The following SFMBT1 variants were observed in gnomAD, a reference collection of about 807,000 sequenced individuals.
SFMBT1 encodes Scm like with four mbt domains 1, also known as scm-like with four MBT domains protein 1.
Under a neutral mutation model 108.7 loss-of-function variants are expected in SFMBT1, and 32 were observed. The ratio of observed to expected loss-of-function variants is 0.29; its 90% CI spans 0.22 to 0.40. The LOEUF is 0.40. Ranked by LOEUF, SFMBT1 falls within the 10% of genes least tolerant of loss-of-function variation. The pLI is 1.00. For synonymous variants in SFMBT1, 348 were observed against 369.5 expected (o/e 0.94, Z 0.67); for missense variants, 816 against 1,059.6 (o/e 0.77, Z 3.19).
intron 1 of SFMBT1, chr3:53,045,145 A>AGCGGCGGTGCCCG (rs2106986741): frequency 6.6e-6 from 1 of 151,492 alleles, no homozygotes; most frequent in East Asian, 1.9e-4. Context: ...CGCGGGGTCC[A>AGCGGCGGTGCCCG]GCGGCGGTGC....
intron 1 of SFMBT1, 83 bp from the exon 2 acceptor site, chr3:52,969,341 G>A: frequency 7.4e-7 from 1 of 1,349,106 alleles, no homozygotes; most frequent in South Asian, 1.6e-5. Flanking sequence ...TCGACTGGTT[G>A]AGAGATGACA....
chr3:53,016,960 T>A (rs948121054), intron 1 of SFMBT1, among the ~76,000 whole-genome samples: 1 of 152,226 alleles, frequency 6.6e-6, no homozygotes, highest in Non-Finnish European at 1.5e-5. Context: ...ATTTTTCCCA[T>A]CTGTAAAACT....
Position 52,934,875 on chromosome 3 carries a change from C to T in SFMBT1, c.391G>A (p.Asp131Asn), listed in dbSNP as rs760071399. Residue 131 changes from aspartate to asparagine, a missense_variant, in exon 5 of 21, where the codon GAT (aspartate) becomes AAT (asparagine). Physicochemically the swap from Asp to Asn is conservative, Grantham distance 23. Coordinates refer to ENST00000394752, the MANE Select transcript of SFMBT1 (RefSeq NM_016329.4). Reference sequence around the variant, plus strand: ...ATCAGGGTCTGCCGCAGAAACTCATCCCAGTCAGATACTTTATCTCTGATG... The same window carrying T: ...ATCAGGGTCTGCCGCAGAAACTCATTCCAGTCAGATACTTTATCTCTGATG... Reference protein sequence around the residue: ...EGIRDKVSDWDEFLRQTLIGA... With the variant: ...EGIRDKVSDWNEFLRQTLIGA... 6.2e-7 allele frequency: 1 copy of T among 1,613,430 alleles called. No homozygotes were observed. Among genetic ancestry groups the T allele is most frequent in the Non-Finnish European group, 8.5e-7 (1 of 1,179,668 alleles).
chr3:52,965,733 G>A (rs1175072876), intron 2 of SFMBT1, among the ~76,000 whole-genome samples: 1 of 152,156 alleles, frequency 6.6e-6, no homozygotes, highest in Admixed American at 6.6e-5. Flanking sequence ...ACGGCCGGGT[G>A]CGGTGGCTCA....
intron 3 of SFMBT1, among the ~76,000 whole-genome samples, chr3:52,954,030 C>T (rs1703687637): frequency 6.6e-6 from 1 of 151,932 alleles, no homozygotes; most frequent in Non-Finnish European, 1.5e-5. Context: ...GAGGCTGAGG[C>T]AGGAGAATGG....
At chr3:52,976,533 AG>A (rs759450264) in intron 1 of SFMBT1, among the ~76,000 whole-genome samples, 73 of 152,334 alleles carry the variant, frequency 4.8e-4, no homozygotes, top group Admixed American at 1.4e-3. Context: ...AGAAATTAAA[AG>A]AAAACATACG....
At chr3:52,992,712 T>C (rs996799103) in intron 1 of SFMBT1, among the ~76,000 whole-genome samples, 8 of 152,162 alleles carry the variant, frequency 5.3e-5, no homozygotes, top group Non-Finnish European at 1.2e-4. Context: ...AAATCATAGG[T>C]GGGTTAGCAC....
chr3:53,025,842 G>C (rs1699470318), intron 1 of SFMBT1, among the ~76,000 whole-genome samples: 1 of 146,288 alleles, frequency 6.8e-6, no homozygotes, highest in African/African-American at 2.5e-5. Context: ...CTTGCTCCCA[G>C]CTGATGGTGT....
Position 52,954,518 on chromosome 3 carries a change from T to TG in SFMBT1, c.29-108dup, listed in dbSNP as rs571681455. 140 of 870,600 alleles carry TG rather than the reference T, an allele frequency of 1.6e-4. No individual in the cohort carries two copies. In the East Asian group the frequency reaches 3.6e-3, roughly 22 times the overall value. 53.9% of individuals were successfully genotyped at this position (870,600 alleles called of 1,614,324 possible). On this transcript the variant is annotated intron_variant, in intron 2 of 20. Coordinates refer to ENST00000394752, the MANE Select transcript of SFMBT1 (RefSeq NM_016329.4). The stretch of plus-strand genomic sequence containing the variant: ...AACTTTACAGAATTTACTTCACAAC[T>TG]GATTTTGCACAAAAGAATTAAGTGG...
chr3:52,969,841 A>G (rs1285441929), intron 1 of SFMBT1, among the ~76,000 whole-genome samples: 1 of 152,120 alleles, frequency 6.6e-6, no homozygotes, highest in Admixed American at 6.5e-5. Context: ...GTGGCTCATG[A>G]CTGTAATCCC....
chr3:52,914,921 C>A (rs1262854627), intron 14 of SFMBT1, among the ~76,000 whole-genome samples: 1 of 152,164 alleles, frequency 6.6e-6, no homozygotes, highest in Non-Finnish European at 1.5e-5. Flanking sequence ...TCTGGAATCA[C>A]CCTGAACTGG....
intron 1 of SFMBT1, among the ~76,000 whole-genome samples, chr3:52,982,729 C>CAAAAAAAAAAAAAAAAAAAAAAAAAA (rs34099481): frequency 4.3e-5 from 3 of 69,124 alleles, no homozygotes; most frequent in African/African-American, 1.3e-4. Context: ...ACTCCCATCT[C>CAAAAAAAAAAAAAAAAAAAAAAAAAA]AAAAAAAAAA....
intron 2 of SFMBT1, 34 bp downstream of exon 2, chr3:52,969,067 C>G: frequency 6.2e-7 from 1 of 1,611,704 alleles, no homozygotes; most frequent in South Asian, 1.1e-5. Flanking sequence ...AATTGTGCAT[C>G]CTAGAGAATA....
chr3:53,033,531 T>A (rs1311994923), intron 1 of SFMBT1, among the ~76,000 whole-genome samples: 1 of 152,096 alleles, frequency 6.6e-6, no homozygotes, highest in Non-Finnish European at 1.5e-5. Context: ...TTTATCAAAA[T>A]TTTGAAAGAG....
chr3:52,965,001 G>A (rs1327368985), intron 2 of SFMBT1, among the ~76,000 whole-genome samples: 1 of 151,978 alleles, frequency 6.6e-6, no homozygotes, highest in Non-Finnish European at 1.5e-5. Context: ...AAGAACCAAA[G>A]GACTGGCTAA....
chr3:52,915,691 G>C (rs1702328065), intron 14 of SFMBT1, among the ~76,000 whole-genome samples: 1 of 152,190 alleles, frequency 6.6e-6, no homozygotes, highest in Non-Finnish European at 1.5e-5. Context: ...CATTTATCAG[G>C]CATTAATTGC....
rs182901088 is a variant in SFMBT1, at chr3:52,974,691, C to A, written c.-130-5433G>T. The stretch of plus-strand genomic sequence containing the variant: ...CGAGAAAAATCTTAGCCACTCATAT[C>A]ATCTAAATTAAATCTGAGGCCAGGC... On this transcript the variant is annotated intron_variant, in intron 1 of 20. Transcript: ENST00000394752. Among the ~76,000 whole-genome samples, 159 of 152,038 alleles carry A rather than the reference C, an allele frequency of 1.0e-3. 1 individual carries two copies. Among genetic ancestry groups the A allele is most frequent in the Non-Finnish European group, 1.8e-3 (121 of 67,972 alleles).
chr3:52,921,942 CATTT>C lies in SFMBT1; in HGVS notation c.1132-115_1132-112del, dbSNP rs1250971915. 3.9e-5 allele frequency: 43 copies of C among 1,091,434 alleles called. No individual in the cohort carries two copies. The Middle Eastern group carries it at 9.2e-4, about 23-fold the overall frequency. 67.6% of individuals were successfully genotyped at this position (1,091,434 alleles called of 1,614,324 possible). ...ACTTAATCCCTAGGTTTAAAGATAACATTTATTTTGCATTGTTTTGCTTTTTAAT... is the reference window on the plus strand; with the variant it reads ...ACTTAATCCCTAGGTTTAAAGATAACATTTTGCATTGTTTTGCTTTTTAAT... On this transcript the variant is annotated intron_variant, in intron 10 of 20. Transcript: ENST00000394752.
intron 15 of SFMBT1, among the ~76,000 whole-genome samples, chr3:52,913,197 C>T (rs947382238): frequency 1.3e-5 from 2 of 152,178 alleles, no homozygotes; most frequent in Admixed American, 6.5e-5. Flanking sequence ...CATAGAGTAA[C>T]CTCACAGTTC....
Sources: allele counts gnomAD v4.1 joint callset (sites outside exome capture counted in the v4.1 genomes callset), GRCh38; gene constraint gnomAD v4.1.1; transcripts MANE v1.5; gene names NCBI Gene and HGNC (gene_info 2026-07-23, HGNC 2026-07-21).